Variants in EFHC2 observed in about 807,000 individuals in gnomAD.
The protein encoded by EFHC2 is EF-hand domain containing 2.
A neutral mutation model predicts 52.7 loss-of-function variants in EFHC2; 18 were observed. That is an observed-to-expected ratio of 0.34 (90% CI 0.24 to 0.51). EFHC2 has a LOEUF of 0.51. Among genes scored for constraint, EFHC2 ranks in the 20% least tolerant of loss-of-function variants. The probability of loss-of-function intolerance (pLI) is 0.97; values close to 1 mark genes in which losing one functional copy is unlikely to be tolerated. For missense variants in EFHC2, 513 were observed against 562.5 expected (o/e 0.91, Z 0.89); for synonymous variants, 203 against 204.1 (o/e 0.99, Z 0.04).
intron 11 of EFHC2, among the ~76,000 whole-genome samples, chrX:44,212,122 C>G: frequency 9.1e-6 from 1 of 110,098 alleles, no homozygotes; most frequent in Middle Eastern, 4.3e-3. Context: ...GGTCTCAGGA[C>G]ACAGTAATGC....
At chrX:44,267,078 C>T (rs2037583783) in intron 3 of EFHC2, among the ~76,000 whole-genome samples, 1 of 111,822 alleles carries the variant, frequency 8.9e-6, no homozygotes, top group African/African-American at 3.2e-5. Flanking sequence ...CTGAGAACAA[C>T]TGGTATAGAC....
At chrX:44,310,311 C>A in intron 2 of EFHC2, 1 of 949,435 alleles carries the variant, frequency 1.1e-6, no homozygotes, top group Admixed American at 2.4e-5. Context: ...TTTCGGCTCG[C>A]GGGCTCCTGG....
chrX:44,272,255 G>T (rs1404284961), intron 3 of EFHC2, among the ~76,000 whole-genome samples: 1 of 111,887 alleles, frequency 8.9e-6, no homozygotes, highest in Non-Finnish European at 1.9e-5. Context: ...ATGAGGAGGG[G>T]GTGGTTGAAA....
intron 11 of EFHC2, among the ~76,000 whole-genome samples, chrX:44,205,288 C>T (rs2037039772): frequency 9.0e-6 from 1 of 111,243 alleles, no homozygotes; most frequent in Non-Finnish European, 1.9e-5. Flanking sequence ...AGCAACTACA[C>T]AATTGATACT....
intron 11 of EFHC2, among the ~76,000 whole-genome samples, chrX:44,181,169 T>A (rs981221704): frequency 9.0e-6 from 1 of 111,372 alleles, no homozygotes; most frequent in Non-Finnish European, 1.9e-5. Context: ...ATAAATGTAG[T>A]ATGATCCCAG....
intron 11 of EFHC2, among the ~76,000 whole-genome samples, chrX:44,216,807 G>T (rs978025842): frequency 9.0e-6 from 1 of 111,430 alleles, no homozygotes; most frequent in African/African-American, 3.3e-5. Flanking sequence ...CATCAGTCGG[G>T]GCAAAGATTT....
Position 44,250,218 on chromosome X carries a change from G to T in EFHC2, c.834C>A (p.Phe278Leu). ...HSSGRDALKMFLRRSKLPKNC... is the reference protein window; with the variant it reads ...HSSGRDALKMLLRRSKLPKNC... ...CCTTGGGTAGCTTACTCCTCCGGAGGAACATTTTTAGAGCATCTCGGCCTG... is the reference window on the plus strand; with the variant it reads ...CCTTGGGTAGCTTACTCCTCCGGAGTAACATTTTTAGAGCATCTCGGCCTG... Residue 278 changes from phenylalanine to leucine, a missense_variant, in exon 5 of 15, where the codon TTC becomes TTA. Physicochemically the swap from Phe to Leu is conservative, Grantham distance 22 (BLOSUM62 0). Coordinates refer to ENST00000420999, the MANE Select transcript of EFHC2 (RefSeq NM_025184.4). 8.3e-7 allele frequency: 1 copy of T among 1,210,692 alleles called. No individual in the cohort carries two copies. Among genetic ancestry groups the T allele is most frequent in the Non-Finnish European group, 1.1e-6 (1 of 894,928 alleles).
chrX:44,261,323 T>C (rs374424033), intron 3 of EFHC2, 25 bp from the exon 4 acceptor site: 679 of 1,109,301 alleles, frequency 6.1e-4, no homozygotes, highest in Non-Finnish European at 7.2e-4. Context: ...AAAATACAAC[T>C]GTTTTATCAT....
chrX:44,325,999 C>T (rs1212215480), intron 1 of EFHC2, among the ~76,000 whole-genome samples: 2 of 107,485 alleles, frequency 1.9e-5, no homozygotes, highest in African/African-American at 6.8e-5. Flanking sequence ...CTCAAGCTAT[C>T]CTCCCACCTC....
rs1481215545 is a variant in EFHC2, at chrX:44,178,435, C to T, written c.1881G>A (p.Lys627=). The T allele has an allele frequency of 8.3e-7, 1 of 1,205,179 alleles. No homozygotes were observed. The highest frequency in any genetic ancestry group is 2.2e-5 in the Admixed American group (1 of 45,481). The part of the protein sequence containing the change: ...MDFLIALAHE[K]FKKNMFENFD... ...AATTCTCAAACATATTTTTCTTGAACTTTTCGTGGGCCAGTGCGATTAAGA... is the reference window on the plus strand; with the variant it reads ...AATTCTCAAACATATTTTTCTTGAATTTTTCGTGGGCCAGTGCGATTAAGA... The change falls in exon 12 of 15, where the codon AAG becomes AAA. Residue 627 remains lysine (K), a synonymous_variant. Coordinates refer to ENST00000420999, the MANE Select transcript of EFHC2 (RefSeq NM_025184.4).
intron 11 of EFHC2, among the ~76,000 whole-genome samples, chrX:44,217,152 A>T (rs1432303110): frequency 8.9e-6 from 1 of 111,936 alleles, no homozygotes; most frequent in Non-Finnish European, 1.9e-5. Flanking sequence ...GATAAATGCA[A>T]ATCAAAAGTA....
chrX:44,210,738 A>G (rs1166751173), intron 11 of EFHC2, among the ~76,000 whole-genome samples: 1 of 112,874 alleles, frequency 8.9e-6, no homozygotes, highest in East Asian at 2.8e-4. Flanking sequence ...AAAATACAGT[A>G]GAAAAGAAAC....
At chrX:44,218,747 C>T (rs1247427979) in intron 11 of EFHC2, among the ~76,000 whole-genome samples, 1 of 112,207 alleles carries the variant, frequency 8.9e-6, no homozygotes, top group Admixed American at 9.5e-5. Flanking sequence ...GAAATGTAAA[C>T]TGATACAACC....
At chrX:44,275,030 G>C (rs1479103060) in intron 2 of EFHC2, among the ~76,000 whole-genome samples, 3 of 111,298 alleles carry the variant, frequency 2.7e-5, no homozygotes, top group Non-Finnish European at 5.7e-5. Context: ...TAATCAAGTA[G>C]GAAAGTGTAG....
chrX:44,215,856 G>A (rs367688349), intron 11 of EFHC2, among the ~76,000 whole-genome samples: 19 of 111,006 alleles, frequency 1.7e-4, no homozygotes, highest in African/African-American at 4.6e-4. Context: ...GAATCTTGAC[G>A]TGCACACACA....
intron 11 of EFHC2, among the ~76,000 whole-genome samples, chrX:44,191,974 T>C (rs776410370): frequency 9.0e-6 from 1 of 111,495 alleles, no homozygotes; most frequent in South Asian, 3.8e-4. Flanking sequence ...ATCTGTGGCA[T>C]AACCCATTTC....
intron 11 of EFHC2, among the ~76,000 whole-genome samples, chrX:44,205,969 C>G (rs903813978): frequency 9.0e-6 from 1 of 111,643 alleles, no homozygotes; most frequent in Non-Finnish European, 1.9e-5. Context: ...AGATTGACCA[C>G]GTGCTCAGTC....
chrX:44,213,410 G>A (rs891425849), intron 11 of EFHC2, among the ~76,000 whole-genome samples: 1 of 111,675 alleles, frequency 9.0e-6, no homozygotes, highest in Non-Finnish European at 1.9e-5. Flanking sequence ...AGGAGATCCT[G>A]AGAACATATG....
In EFHC2 at chrX:44,229,776, G is replaced by T; in HGVS notation, c.1624C>A (p.Pro542Thr). Residue 542 changes from proline (P) to threonine (T), a missense_variant, in exon 11 of 15, where the codon CCT becomes ACT. Transcript: ENST00000420999. Reference sequence around the variant, plus strand: ...AGGGCAAGTTTGAGGTTACTGAAAGGATACTGTAAGGGGGAAATGAAAGGA... The same window carrying T: ...AGGGCAAGTTTGAGGTTACTGAAAGTATACTGTAAGGGGGAAATGAAAGGA... ...NYMEQNTDKY[P>T]FSNLKLALQK... is the part of the protein sequence containing the mutation. The T allele has an allele frequency of 8.3e-7, 1 of 1,207,558 alleles. No homozygotes were observed.
Sources: gnomAD v4.1 joint callset for allele counts (sites outside exome capture counted in the v4.1 genomes callset) on GRCh38, gnomAD v4.1.1 for gene constraint, MANE v1.5 for transcripts, NCBI Gene and HGNC (gene_info 2026-07-23, HGNC 2026-07-21) for gene names.